ATP6V0A2: variants seen among roughly 807,000 people sequenced by gnomAD.
The protein encoded by ATP6V0A2 is ATPase H+ transporting V0 subunit a2, also known as V-type proton ATPase 116 kDa subunit a 2.
ATP6V0A2 carries 58 observed loss-of-function variants against 104.4 expected under a neutral mutation model. That is an observed-to-expected ratio of 0.56 (90% CI 0.45 to 0.69). The LOEUF (loss-of-function observed/expected upper bound fraction) is 0.69. ATP6V0A2 is among the 30% of genes least tolerant of loss of function. The pLI, the probability that ATP6V0A2 is intolerant of heterozygous loss-of-function variation, is 0.00. For synonymous variants in ATP6V0A2, 376 were observed against 397.9 expected, an observed-to-expected ratio of 0.95 and a Z score of 0.65; for missense variants, 938 against 1,062.9, an observed-to-expected ratio of 0.88 and a Z score of 1.63.
intron 1 of ATP6V0A2, among the ~76,000 whole-genome samples, chr12:123,717,103 T>C (rs1956348708): frequency 6.6e-6 from 1 of 151,406 alleles, no homozygotes; most frequent in Non-Finnish European, 1.5e-5. Flanking sequence ...TCATCTGAGG[T>C]CAGGAGTTTG....
chr12:123,736,967 G>A (rs554475358), intron 8 of ATP6V0A2, 92 bp from the exon 9 acceptor site: 1 of 1,246,524 alleles, frequency 8.0e-7, no homozygotes, highest in East Asian at 2.3e-5. Context: ...CTCTGTCAAT[G>A]GGGAGAAAGT....
Position 123,735,681 on chromosome 12 carries a change from G to A in ATP6V0A2, c.825+57G>A, listed in dbSNP as rs896529510. ...TCTGAGGGCTGCCAAACATTTACAC[G>A]TATATTTTCTCTCTTTTTTAACATA... On this transcript the variant is annotated intron_variant, in intron 8 of 19. Coordinates refer to ENST00000330342, the MANE Select transcript of ATP6V0A2 (RefSeq NM_012463.4). 23 of 1,328,710 alleles carry A rather than the reference G, an allele frequency of 1.7e-5. No homozygotes were observed. The Middle Eastern group carries it at 2.4e-3, about 140-fold the overall frequency. 82.3% of individuals were successfully genotyped at this position (1,328,710 alleles called of 1,614,324 possible).
intron 9 of ATP6V0A2, among the ~76,000 whole-genome samples, chr12:123,742,215 C>T (rs1169164955): frequency 6.6e-6 from 1 of 152,224 alleles, no homozygotes; most frequent in Non-Finnish European, 1.5e-5. Flanking sequence ...GTTCCAGCTG[C>T]TTTTTGTGGT....
Position 123,726,191 on chromosome 12 carries a change from T to G in ATP6V0A2, c.433-6T>G. ...GACACACTTGGTTTCATATGTTTATTTCTAGTTTGAACCCACTTATGAAGA... is the reference window on the plus strand; with the variant it reads ...GACACACTTGGTTTCATATGTTTATGTCTAGTTTGAACCCACTTATGAAGA... On this transcript the variant is annotated splice_region_variant and splice_polypyrimidine_tract_variant and intron_variant, in intron 4 of 19. Transcript: ENST00000330342. The G allele has an allele frequency of 6.3e-7, 1 of 1,597,066 alleles. No homozygotes were observed.
chr12:123,739,072 T>C (rs1379739254), intron 9 of ATP6V0A2: 2 of 152,312 alleles, frequency 1.3e-5, no homozygotes, highest in East Asian at 3.8e-4. Flanking sequence ...TGTGTGCTGC[T>C]TTGTGACTTT....
intron 9 of ATP6V0A2, among the ~76,000 whole-genome samples, chr12:123,739,935 A>T (rs1161419053): frequency 6.6e-6 from 1 of 152,062 alleles, no homozygotes; most frequent in Admixed American, 6.6e-5. Flanking sequence ...CTAGAAAAAT[A>T]TCTTTTCTTT....
chr12:123,724,387 G>T, intron 3 of ATP6V0A2: 1 of 358,784 alleles, frequency 2.8e-6, no homozygotes, highest in Non-Finnish European at 5.3e-6. Flanking sequence ...AATTAGCTGG[G>T]CGTGGTGATG....
At chr12:123,739,664 A>G (rs34247974) in intron 9 of ATP6V0A2, among the ~76,000 whole-genome samples, 81,899 of 151,988 alleles carry the variant, frequency 0.54, 23,863 homozygotes, top group East Asian at 0.94. Context: ...TTCCCTAGAG[A>G]AGCCTCAGAG....
chr12:123,720,712 A>G (rs1022998046), intron 2 of ATP6V0A2, among the ~76,000 whole-genome samples: 4 of 152,084 alleles, frequency 2.6e-5, no homozygotes, highest in African/African-American at 9.7e-5. Flanking sequence ...GACTTAAAAC[A>G]GTGAAAAAGG....
intron 9 of ATP6V0A2, among the ~76,000 whole-genome samples, chr12:123,743,075 T>C (rs1300342240): frequency 6.6e-6 from 1 of 152,210 alleles, no homozygotes; most frequent in African/African-American, 2.4e-5. Context: ...TCAAACTTCC[T>C]CTTTCTTCAC....
chr12:123,751,814 A>G (rs1044488150), intron 16 of ATP6V0A2, among the ~76,000 whole-genome samples: 1 of 149,606 alleles, frequency 6.7e-6, no homozygotes, highest in Admixed American at 6.6e-5. Flanking sequence ...ATTCGTCTTA[A>G]TTTCTTCTTT....
rs1206699816 is a variant in ATP6V0A2 at position 123,748,594 on chromosome 12, A to G, written c.1744A>G (p.Asn582Asp). 6.2e-7 allele frequency: 1 copy of G among 1,613,750 alleles called. No homozygotes were observed. Among genetic ancestry groups the G allele is most frequent in the African/African-American group, 1.3e-5 (1 of 74,924 alleles). ...FNHLHFRKKFNIYLVSIPELL... is the reference protein window; with the variant it reads ...FNHLHFRKKFDIYLVSIPELL... ...TCCTAGGCACTTCAGGAAGAAGTTC[A>G]ACATTTACCTGGTTTCCATCCCGGA... is the stretch of plus-strand genomic sequence containing the variant. The change falls in exon 15 of 20, where the codon AAC (asparagine) becomes GAC (aspartate). Residue 582 changes from asparagine to aspartate, a missense_variant. Transcript: ENST00000330342.
chr12:123,737,595 G>C, intron 9 of ATP6V0A2: 1 of 362,320 alleles, frequency 2.8e-6, no homozygotes, highest in South Asian at 2.3e-5. Context: ...GTCATTCAAA[G>C]CTGTATGTGA....
At chr12:123,736,185 CTTTTTTTTTTT>C (rs75644082) in intron 8 of ATP6V0A2, among the ~76,000 whole-genome samples, 4 of 81,916 alleles carry the variant, frequency 4.9e-5, no homozygotes, top group Non-Finnish European at 9.2e-5. Context: ...GATTGTGATT[CTTTTTTTTTTT>C]TTTTTTTTTT....
At chr12:123,716,905 C>G (rs1956345873) in intron 1 of ATP6V0A2, among the ~76,000 whole-genome samples, 1 of 151,800 alleles carries the variant, frequency 6.6e-6, no homozygotes, top group African/African-American at 2.4e-5. Flanking sequence ...TATTCCTACC[C>G]CCACCCCCCC....
chr12:123,757,105 C>A, intron 19 of ATP6V0A2, 119 bp downstream of exon 19: 1 of 1,112,720 alleles, frequency 9.0e-7, no homozygotes, highest in Non-Finnish European at 1.3e-6. Context: ...TAGGCCAGTT[C>A]TTCCCTTCCC....
At chr12:123,734,100 T>G (rs1291079779) in intron 7 of ATP6V0A2, 92 bp downstream of exon 7, 39 of 970,128 alleles carry the variant, frequency 4.0e-5, no homozygotes, top group Non-Finnish European at 5.5e-5. Context: ...AGAAATAGAG[T>G]GGCTGCTAGT....
chr12:123,722,481 A>G (rs1198576135), intron 3 of ATP6V0A2, 33 bp downstream of exon 3: 5 of 1,298,496 alleles, frequency 3.9e-6, no homozygotes, highest in Non-Finnish European at 2.2e-6. Context: ...GGTTGCAGCC[A>G]TTGATCTTGG....
At chr12:123,722,564 G>A in intron 3 of ATP6V0A2, 116 bp downstream of exon 3, 3 of 727,570 alleles carry the variant, frequency 4.1e-6, no homozygotes, top group South Asian at 1.5e-5. Context: ...GGAAGATGGT[G>A]ATCTCTCTAG....
Sources: allele counts gnomAD v4.1 joint callset (sites outside exome capture counted in the v4.1 genomes callset), GRCh38; gene constraint gnomAD v4.1.1; transcripts MANE v1.5; gene names NCBI Gene and HGNC (gene_info 2026-07-23, HGNC 2026-07-21).